Variants in HS3ST4 observed in about 807,000 individuals in gnomAD.
HS3ST4 encodes the protein heparan sulfate-glucosamine 3-sulfotransferase 4, also known as heparan sulfate glucosamine 3-O-sulfotransferase 4.
A neutral mutation model predicts 29.2 loss-of-function variants in HS3ST4; 17 were observed. The observed-to-expected ratio is 0.58, with a 90% CI of 0.40 to 0.87. The LOEUF (loss-of-function observed/expected upper bound fraction) is 0.87, where lower values mean the gene tolerates loss of function less well. Among genes scored for constraint, HS3ST4 ranks in the 40% least tolerant of loss-of-function variants. HS3ST4 has a pLI of 0.00. For missense variants in HS3ST4, 627 were observed against 634.5 expected, an observed-to-expected ratio of 0.99 and a Z score of 0.13; for synonymous variants, 314 against 285.7, an observed-to-expected ratio of 1.10 and a Z score of -1.00.
chr16:25,934,357 A>G lies in HS3ST4; in HGVS notation c.735-201255A>G, dbSNP rs530797458. Among the ~76,000 whole-genome samples, 5 of 152,342 alleles carry G rather than the reference A, an allele frequency of 3.3e-5. No individual in the cohort carries two copies. The South Asian group carries it at 8.3e-4, about 25-fold the overall frequency. On this transcript the variant is annotated intron_variant, in intron 1 of 1. Coordinates refer to ENST00000331351, the MANE Select transcript of HS3ST4 (RefSeq NM_006040.3). ...GACCTCATAGCACAGATGCCCCAAC[A>G]TGAGACAGAAGTGGCCATTACACTT...
chr16:26,089,969 G>A (rs1002256020), intron 1 of HS3ST4, among the ~76,000 whole-genome samples: 1 of 152,000 alleles, frequency 6.6e-6, no homozygotes, highest in African/African-American at 2.4e-5. Context: ...CTGACACCAG[G>A]CTCATAGTAA....
chr16:25,961,707 C>A (rs997979775), intron 1 of HS3ST4, among the ~76,000 whole-genome samples: 1 of 152,044 alleles, frequency 6.6e-6, no homozygotes, highest in African/African-American at 2.4e-5. Flanking sequence ...ATCAGAGAAA[C>A]CTGGTGAGAT....
chr16:25,922,076 C>T (rs1968359908), intron 1 of HS3ST4, among the ~76,000 whole-genome samples: 1 of 152,164 alleles, frequency 6.6e-6, no homozygotes. Context: ...TTGACTCACC[C>T]ATGGCTAGAA....
intron 1 of HS3ST4, among the ~76,000 whole-genome samples, chr16:25,737,456 T>C (rs1966617330): frequency 6.6e-6 from 1 of 152,174 alleles, no homozygotes; most frequent in Non-Finnish European, 1.5e-5. Context: ...TGAGTAAAAT[T>C]GGAGGCCATG....
rs537586754 is a variant in HS3ST4 at position 25,937,054 on chromosome 16, G to C, written c.735-198558G>C. Among the ~76,000 whole-genome samples, 161 of 152,270 alleles carry C rather than the reference G, an allele frequency of 1.1e-3. 2 individuals carry two copies. The highest frequency in any genetic ancestry group is 1.6e-3 in the Non-Finnish European group (107 of 68,030). On this transcript the variant is annotated intron_variant, in intron 1 of 1. Coordinates refer to ENST00000331351, the MANE Select transcript of HS3ST4 (RefSeq NM_006040.3). ...AGCCATGGAATGCATGACTGGCTCA[G>C]ATAGTCAGGACATGGTATCTTTTGG... is the stretch of plus-strand genomic sequence containing the variant.
At chr16:26,080,383 G>A (rs1289528321) in intron 1 of HS3ST4, among the ~76,000 whole-genome samples, 2 of 152,110 alleles carry the variant, frequency 1.3e-5, no homozygotes, top group Non-Finnish European at 2.9e-5. Flanking sequence ...GAAAGCCTGA[G>A]GACGGACAGA....
chr16:25,921,768 T>TG (rs1163159330), intron 1 of HS3ST4, among the ~76,000 whole-genome samples: 1 of 151,816 alleles, frequency 6.6e-6, no homozygotes. Flanking sequence ...TCTTTTTTTT[T>TG]TTTTGAGACA....
intron 1 of HS3ST4, among the ~76,000 whole-genome samples, chr16:25,993,889 G>C (rs969105326): frequency 3.3e-5 from 5 of 151,136 alleles, no homozygotes; most frequent in African/African-American, 1.2e-4. Context: ...TCAGTTCTTG[G>C]TGAGGGTCCA....
At chr16:26,011,824 A>G (rs1596644038) in intron 1 of HS3ST4, among the ~76,000 whole-genome samples, 1 of 152,002 alleles carries the variant, frequency 6.6e-6, no homozygotes, top group Admixed American at 6.6e-5. Context: ...TCATTAATCT[A>G]TTAGGAATAC....
At chr16:25,862,171 T>TTACA (rs149391880) in intron 1 of HS3ST4, among the ~76,000 whole-genome samples, 8 of 48,802 alleles carry the variant, frequency 1.6e-4, no homozygotes, top group East Asian at 6.7e-4. Flanking sequence ...ACATATTTAT[T>TTACA]TATTTATTTA....
chr16:25,928,713 A>G (rs1342159466), intron 1 of HS3ST4, among the ~76,000 whole-genome samples: 1 of 152,278 alleles, frequency 6.6e-6, no homozygotes, highest in East Asian at 1.9e-4. Flanking sequence ...CTCAGGGCCA[A>G]ATGTTTTCCC....
At chr16:25,930,118 C>T (rs537908962) in intron 1 of HS3ST4, among the ~76,000 whole-genome samples, 1 of 152,346 alleles carries the variant, frequency 6.6e-6, no homozygotes, top group Admixed American at 6.5e-5. Flanking sequence ...ATCCATGTTC[C>T]TGCAAAGGAC....
intron 1 of HS3ST4, among the ~76,000 whole-genome samples, chr16:25,796,905 CTG>C (rs1278336518): frequency 6.6e-5 from 10 of 152,156 alleles, no homozygotes; most frequent in African/African-American, 2.4e-4. Flanking sequence ...CATTGGTAAA[CTG>C]TCATGGCACT....
intron 1 of HS3ST4, among the ~76,000 whole-genome samples, chr16:25,849,938 A>C (rs567117016): frequency 5.2e-4 from 79 of 151,570 alleles, no homozygotes; most frequent in African/African-American, 1.5e-3. Flanking sequence ...TTCTCTTTTC[A>C]ATCTTTTTGG....
intron 1 of HS3ST4, among the ~76,000 whole-genome samples, chr16:25,926,679 A>G (rs542670416): frequency 1.3e-5 from 2 of 152,344 alleles, no homozygotes; most frequent in South Asian, 4.1e-4. Context: ...GCATTTATAG[A>G]TGAGGAGACT....
At chr16:26,005,283 CT>C (rs1195237168) in intron 1 of HS3ST4, among the ~76,000 whole-genome samples, 2 of 152,094 alleles carry the variant, frequency 1.3e-5, no homozygotes, top group African/African-American at 4.8e-5. Context: ...ACGAAGGTGA[CT>C]TTGTTTTTGC....
chr16:25,955,520 C>A (rs1968723381), intron 1 of HS3ST4, among the ~76,000 whole-genome samples: 1 of 152,112 alleles, frequency 6.6e-6, no homozygotes, highest in African/African-American at 2.4e-5. Context: ...CCAGTAGGAA[C>A]CTTTATGATA....
intron 1 of HS3ST4, among the ~76,000 whole-genome samples, chr16:25,937,498 A>C (rs1489902194): frequency 1.3e-5 from 2 of 152,222 alleles, no homozygotes. Flanking sequence ...CATTCCAGGC[A>C]GAGGAACAGG....
At chr16:26,043,073 G>A (rs1178793900) in intron 1 of HS3ST4, among the ~76,000 whole-genome samples, 1 of 152,154 alleles carries the variant, frequency 6.6e-6, no homozygotes, top group Non-Finnish European at 1.5e-5. Context: ...GCACTTTTAT[G>A]TTAAAATGGT....
Sources: gnomAD v4.1 joint callset for allele counts (sites outside exome capture counted in the v4.1 genomes callset) on GRCh38, gnomAD v4.1.1 for gene constraint, MANE v1.5 for transcripts, NCBI Gene and HGNC (gene_info 2026-07-23, HGNC 2026-07-21) for gene names.